The following SLC6A11 variants were observed in gnomAD, a reference collection of about 807,000 sequenced individuals.
The protein encoded by SLC6A11 is solute carrier family 6 member 11, also known as sodium- and chloride-dependent GABA transporter 3.
A neutral mutation model predicts 74.8 loss-of-function variants in SLC6A11; 25 were observed. The observed-to-expected ratio is 0.33, with a 90% CI of 0.24 to 0.47. SLC6A11 has a LOEUF of 0.47. SLC6A11 is among the 20% of genes least tolerant of loss of function. The pLI, the probability that SLC6A11 is intolerant of heterozygous loss-of-function variation, is 1.00. For missense variants in SLC6A11, 574 were observed against 837.0 expected, an observed-to-expected ratio of 0.69 and a Z score of 3.88; for synonymous variants, 330 against 330.2, an observed-to-expected ratio of 1.00 and a Z score of 0.01.
At chr3:10,887,711 G>C (rs1011879865) in intron 6 of SLC6A11, among the ~76,000 whole-genome samples, 4 of 152,186 alleles carry the variant, frequency 2.6e-5, no homozygotes, top group African/African-American at 9.7e-5. Context: ...CTAAAGTGCT[G>C]GGATTACAGG....
chr3:10,828,093 T>C (rs1694239181), intron 4 of SLC6A11, among the ~76,000 whole-genome samples: 1 of 152,206 alleles, frequency 6.6e-6, no homozygotes, highest in Admixed American at 6.5e-5. Context: ...ATTTTGAGCC[T>C]GTACCCTCTG....
At chr3:10,863,951 C>T (rs182162238) in intron 5 of SLC6A11, among the ~76,000 whole-genome samples, 30 of 152,282 alleles carry the variant, frequency 2.0e-4, no homozygotes, top group Admixed American at 1.8e-3. Context: ...AAATGCACAA[C>T]TTCTGGGTGC....
intron 6 of SLC6A11, among the ~76,000 whole-genome samples, chr3:10,906,392 A>C (rs972480592): frequency 3.9e-5 from 6 of 152,246 alleles, no homozygotes; most frequent in African/African-American, 1.4e-4. Flanking sequence ...AGATGGGGCC[A>C]GATGCCAACA....
chr3:10,846,353 G>T (rs530787184), intron 5 of SLC6A11, among the ~76,000 whole-genome samples: 2 of 152,310 alleles, frequency 1.3e-5, no homozygotes, highest in African/African-American at 4.8e-5. Context: ...TACTTTTGCT[G>T]TGGTTACCAC....
intron 11 of SLC6A11, 120 bp downstream of exon 11, chr3:10,933,373 C>T: frequency 2.8e-6 from 2 of 705,772 alleles, no homozygotes; most frequent in African/African-American, 1.8e-5. Flanking sequence ...CTGGCCTCTT[C>T]TTACTCTTCA....
rs537624743 is a variant in SLC6A11 at position 10,938,991 on chromosome 3, A to C, written c.*589A>C. ...CTGATCCCATGAAGTGACCTTGGGC[A>C]CTCCCTTTCCCTCCCTGGGCCTCAG... On this transcript the variant is annotated 3_prime_UTR_variant, in exon 14 of 14. Coordinates refer to ENST00000254488, the MANE Select transcript of SLC6A11 (RefSeq NM_014229.3). 2 of 152,062 alleles carry C rather than the reference A, an allele frequency of 1.3e-5. No individual in the cohort carries two copies. Among genetic ancestry groups the C allele is most frequent in the African/African-American group, 4.8e-5 (2 of 41,462 alleles). The allele number at this position is 152,062 out of a possible 1,614,324, so 9.4% of individuals were successfully genotyped here. A position where few individuals can be genotyped will look rare whatever the true frequency, so the allele number is the denominator to read the frequency against.
chr3:10,822,760 T>A (rs9835618), intron 3 of SLC6A11, among the ~76,000 whole-genome samples: 1 of 151,988 alleles, frequency 6.6e-6, no homozygotes, highest in African/African-American at 2.4e-5. Context: ...TGACTGGATC[T>A]AGTGAGGGAA....
At chr3:10,914,589 G>A (rs1390108186) in intron 7 of SLC6A11, among the ~76,000 whole-genome samples, 1 of 152,176 alleles carries the variant, frequency 6.6e-6, no homozygotes, top group Non-Finnish European at 1.5e-5. Context: ...AGGTATTTGG[G>A]TGACCGGATG....
Position 10,939,293 on chromosome 3 carries a change from C to T in SLC6A11, c.*891C>T, listed in dbSNP as rs1177080590. 1 of 152,220 alleles carries T rather than the reference C, an allele frequency of 6.6e-6. No homozygotes were observed. Among genetic ancestry groups the T allele is most frequent in the African/African-American group, 2.4e-5 (1 of 41,444 alleles). The allele number at this position is 152,220 out of a possible 1,614,324, so 9.4% of individuals were successfully genotyped here. A position where few individuals can be genotyped will look rare whatever the true frequency, so the allele number is the denominator to read the frequency against. ...CCTGCTCTCTGGACACCAGTGGGTC[C>T]TCAGCCCCCATGGCAGGGGCTCCTC... is the stretch of plus-strand genomic sequence containing the variant. On this transcript the variant is annotated 3_prime_UTR_variant, in exon 14 of 14. Coordinates refer to ENST00000254488, the MANE Select transcript of SLC6A11 (RefSeq NM_014229.3).
At chr3:10,903,418 C>G (rs1011899547) in intron 6 of SLC6A11, among the ~76,000 whole-genome samples, 1 of 152,180 alleles carries the variant, frequency 6.6e-6, no homozygotes, top group Non-Finnish European at 1.5e-5. Context: ...AACTCATCTC[C>G]CATACCCCTC....
In SLC6A11 at chr3:10,816,569, G is replaced by A. The variant is rs1694062080; in HGVS notation, c.256+48G>A. 1.3e-6 allele frequency: 2 copies of A among 1,507,330 alleles called. 1 individual carries two copies. Among genetic ancestry groups the A allele is most frequent in the Non-Finnish European group, 1.8e-6 (2 of 1,124,424 alleles). The allele number at this position is 1,507,330 out of a possible 1,614,324, so 93.4% of individuals were successfully genotyped here. A position where few individuals can be genotyped will look rare whatever the true frequency, so the allele number is the denominator to read the frequency against. ...GGGAGGGGGCGCCAACCGCCCGGTG[G>A]GGGCGGGGAGCCAGGGGCGAGCGCG... On this transcript the variant is annotated intron_variant, in intron 1 of 13. Transcript: ENST00000254488. The surrounding 1 kb of genome is among the most constrained non-coding windows in gnomAD (Gnocchi z 4.2).
In SLC6A11 at chr3:10,909,881, C is replaced by T. The variant is rs546334598; in HGVS notation, c.892-2209C>T. Among the ~76,000 whole-genome samples, 47 of 152,292 alleles carry T rather than the reference C, an allele frequency of 3.1e-4. No individual in the cohort carries two copies. In the South Asian group the frequency reaches 5.4e-3, roughly 17 times the overall value. On this transcript the variant is annotated intron_variant, in intron 6 of 13. Coordinates refer to ENST00000254488, the MANE Select transcript of SLC6A11 (RefSeq NM_014229.3). ...CTTTAACACTTTTTTCTCCACTGGACCTTTCCTACCAACATTTAAGCATCC... is the reference window on the plus strand; with the variant it reads ...CTTTAACACTTTTTTCTCCACTGGATCTTTCCTACCAACATTTAAGCATCC...
At chr3:10,871,027 A>G (rs1011349767) in intron 5 of SLC6A11, among the ~76,000 whole-genome samples, 1 of 152,214 alleles carries the variant, frequency 6.6e-6, no homozygotes, top group Non-Finnish European at 1.5e-5. Context: ...TCCTAAATAT[A>G]ATGTAGAAGT....
At chr3:10,825,884 C>G (rs185310498) in intron 4 of SLC6A11, among the ~76,000 whole-genome samples, 3 of 152,318 alleles carry the variant, frequency 2.0e-5, no homozygotes, top group African/African-American at 7.2e-5. Flanking sequence ...CCACTGGTCT[C>G]TTTGTCTATC....
At chr3:10,849,610 G>C (rs1694546901) in intron 5 of SLC6A11, among the ~76,000 whole-genome samples, 1 of 152,058 alleles carries the variant, frequency 6.6e-6, no homozygotes, top group Admixed American at 6.6e-5. Flanking sequence ...ATTGCCCTTA[G>C]AATTTCCCAT....
Position 10,918,253 on chromosome 3 carries a change from C to A in SLC6A11, c.996-76C>A. 1.4e-6 allele frequency: 2 copies of A among 1,455,136 alleles called. No homozygotes were observed. Among genetic ancestry groups the A allele is most frequent in the Non-Finnish European group, 1.8e-6 (2 of 1,102,618 alleles). The allele number at this position is 1,455,136 out of a possible 1,614,324, so 90.1% of individuals were successfully genotyped here. On this transcript the variant is annotated intron_variant, in intron 7 of 13. Transcript: ENST00000254488. The surrounding 1 kb of genome is among the most constrained non-coding windows in gnomAD (Gnocchi z 4.5). Reference sequence around the variant, plus strand: ...CCTGCCTCACAGGACAGCCATGGTGCTCGGGTGGAGAACGTTTGAGCCGTG... The same window carrying A: ...CCTGCCTCACAGGACAGCCATGGTGATCGGGTGGAGAACGTTTGAGCCGTG...
chr3:10,873,946 T>C (rs1034016519), intron 5 of SLC6A11, among the ~76,000 whole-genome samples: 4 of 150,754 alleles, frequency 2.7e-5, no homozygotes, highest in Non-Finnish European at 5.9e-5. Context: ...TGCTATGCTA[T>C]CCTATGCTAT....
At chr3:10,824,579 T>C (rs1457338990) in intron 4 of SLC6A11, 1 of 152,224 alleles carries the variant, frequency 6.6e-6, no homozygotes, top group Admixed American at 6.5e-5. Flanking sequence ...GATACTGGCA[T>C]CCATTATTTA....
At chr3:10,876,563 G>A (rs1473837990) in intron 6 of SLC6A11, among the ~76,000 whole-genome samples, 2 of 151,984 alleles carry the variant, frequency 1.3e-5, no homozygotes, top group Non-Finnish European at 2.9e-5. Context: ...CTGATCATCC[G>A]AATACCTTGG....
Sources: gnomAD v4.1 joint callset for allele counts (sites outside exome capture counted in the v4.1 genomes callset) on GRCh38, gnomAD v4.1.1 for gene constraint, Gnocchi (gnomAD v3.1) non-coding constraint, MANE v1.5 for transcripts, NCBI Gene and HGNC (gene_info 2026-07-23, HGNC 2026-07-21) for gene names.